The following KDM4C variants were observed in gnomAD, a reference collection of about 807,000 sequenced individuals.
KDM4C encodes lysine demethylase 4C.
A neutral mutation model predicts 129.3 loss-of-function variants in KDM4C; 81 were observed. That is an observed-to-expected ratio of 0.63 (90% confidence interval 0.52 to 0.75). The LOEUF is 0.75. Ranked by LOEUF, KDM4C falls within the 30% of genes least tolerant of loss-of-function variation. The pLI is 0.00. For missense variants in KDM4C, 1,457 were observed against 1,304.0 expected (o/e 1.12, Z -1.81); for synonymous variants, 573 against 456.1 (o/e 1.26, Z -3.26).
intron 20 of KDM4C, among the ~76,000 whole-genome samples, chr9:7,168,397 C>A (rs191873514): frequency 6.6e-6 from 1 of 152,210 alleles, no homozygotes; most frequent in East Asian, 1.9e-4. Context: ...AAGTATTCTA[C>A]CTGATTACAT....
chr9:6,910,748 G>T (rs956250270), intron 8 of KDM4C, among the ~76,000 whole-genome samples: 1 of 152,336 alleles, frequency 6.6e-6, no homozygotes. Context: ...AGTTGCCCAA[G>T]AATGTATTTA....
At chr9:6,825,441 A>G (rs1349310039) in intron 4 of KDM4C, among the ~76,000 whole-genome samples, 1 of 152,208 alleles carries the variant, frequency 6.6e-6, no homozygotes, top group Non-Finnish European at 1.5e-5. Context: ...CAGAGATCTT[A>G]GGGCAAGGTA....
At chr9:6,869,677 G>A (rs1014959278) in intron 5 of KDM4C, among the ~76,000 whole-genome samples, 1 of 152,160 alleles carries the variant, frequency 6.6e-6, no homozygotes, top group Non-Finnish European at 1.5e-5. Flanking sequence ...ACTCAAGCCT[G>A]GACCATCCCT....
chr9:7,065,824 A>C (rs1374159454), intron 17 of KDM4C, among the ~76,000 whole-genome samples: 1 of 152,202 alleles, frequency 6.6e-6, no homozygotes, highest in Non-Finnish European at 1.5e-5. Flanking sequence ...GTTGACCCAT[A>C]TTTAATTCTA....
intron 8 of KDM4C, among the ~76,000 whole-genome samples, chr9:6,963,383 G>A (rs548721893): frequency 5.9e-5 from 9 of 152,320 alleles, no homozygotes; most frequent in African/African-American, 1.9e-4. Flanking sequence ...TGCAGGATAA[G>A]CACAATCTTT....
chr9:7,009,408 A>G (rs1364313030), intron 12 of KDM4C, among the ~76,000 whole-genome samples: 1 of 152,236 alleles, frequency 6.6e-6, no homozygotes, highest in Non-Finnish European at 1.5e-5. Flanking sequence ...GCTTTTTTAA[A>G]GAACACTCTT....
chr9:6,861,269 C>T (rs1044423761), intron 5 of KDM4C, among the ~76,000 whole-genome samples: 4 of 152,190 alleles, frequency 2.6e-5, no homozygotes, highest in African/African-American at 9.7e-5. Context: ...ATGAGATATT[C>T]AACTTCCTGA....
chr9:6,768,128 C>G (rs1403826825), intron 1 of KDM4C, among the ~76,000 whole-genome samples: 2 of 151,884 alleles, frequency 1.3e-5, no homozygotes, highest in Admixed American at 1.3e-4. Flanking sequence ...TTCAGTCGAC[C>G]GAGAGTGTCA....
chr9:7,123,284 T>C (rs977494555), intron 18 of KDM4C, among the ~76,000 whole-genome samples: 3 of 152,230 alleles, frequency 2.0e-5, no homozygotes, highest in African/African-American at 7.2e-5. Context: ...CCTTTTCCCT[T>C]GGCTAGCCTC....
chr9:6,760,542 TTTTATTTA>T (rs370646653), intron 1 of KDM4C, among the ~76,000 whole-genome samples: 12,319 of 143,830 alleles, frequency 0.086, 711 homozygotes, highest in South Asian at 0.23. Flanking sequence ...TGATACTCTT[TTTTATTTA>T]TTTATTTATT....
At chr9:6,823,810 A>C (rs1448130076) in intron 4 of KDM4C, among the ~76,000 whole-genome samples, 2 of 152,230 alleles carry the variant, frequency 1.3e-5, no homozygotes, top group African/African-American at 4.8e-5. Flanking sequence ...ATGTCAAGTT[A>C]ATATCTGATG....
intron 17 of KDM4C, among the ~76,000 whole-genome samples, chr9:7,092,202 G>A (rs1835887454): frequency 6.6e-6 from 1 of 152,124 alleles, no homozygotes; most frequent in Non-Finnish European, 1.5e-5. Flanking sequence ...GAGCACTTCT[G>A]TATCCATTAT....
chr9:6,772,924 G>T (rs868697180), intron 1 of KDM4C, among the ~76,000 whole-genome samples: 2 of 151,084 alleles, frequency 1.3e-5, no homozygotes, highest in Non-Finnish European at 2.9e-5. Flanking sequence ...CCGAACTCTT[G>T]ACCGCAGGTG....
intron 5 of KDM4C, among the ~76,000 whole-genome samples, chr9:6,856,714 A>G (rs1231839163): frequency 6.7e-6 from 1 of 149,330 alleles, no homozygotes; most frequent in Non-Finnish European, 1.5e-5. Flanking sequence ...CTGGGACTAC[A>G]GGTGTGTGCC....
At chr9:6,806,668 T>C (rs1210525973) in intron 3 of KDM4C, among the ~76,000 whole-genome samples, 1 of 152,068 alleles carries the variant, frequency 6.6e-6, no homozygotes, top group East Asian at 1.9e-4. Context: ...GAGCATTTAA[T>C]TGTGGCTGGA....
At chr9:6,796,742 C>T (rs1827828906) in intron 2 of KDM4C, among the ~76,000 whole-genome samples, 1 of 152,158 alleles carries the variant, frequency 6.6e-6, no homozygotes, top group Non-Finnish European at 1.5e-5. Flanking sequence ...GTGATAATTT[C>T]CTATTACTCA....
At chr9:6,874,580 G>C (rs778038651) in intron 5 of KDM4C, among the ~76,000 whole-genome samples, 44 of 151,750 alleles carry the variant, frequency 2.9e-4, no homozygotes, top group Non-Finnish European at 4.9e-4. Context: ...GACTTTTTTT[G>C]TGGCAGCTGC....
chr9:6,757,420 A>G (rs778797618), upstream of KDM4C, among the ~76,000 whole-genome samples: 164 of 152,284 alleles, frequency 1.1e-3, 6 homozygotes, highest in Non-Finnish European at 7.6e-4. Flanking sequence ...CCTGCGCGGT[A>G]GTTGTTAAAG....
intron 2 of KDM4C, among the ~76,000 whole-genome samples, chr9:6,796,597 G>A (rs1028752678): frequency 6.6e-6 from 1 of 152,158 alleles, no homozygotes; most frequent in Non-Finnish European, 1.5e-5. Flanking sequence ...GCACACCTGC[G>A]TCGCTGTCTG....
Sources: gnomAD v4.1 joint callset for allele counts (sites outside exome capture counted in the v4.1 genomes callset) on GRCh38, gnomAD v4.1.1 for gene constraint, MANE v1.5 for transcripts, NCBI Gene and HGNC (gene_info 2026-07-23, HGNC 2026-07-21) for gene names.